The following DGKB variants were observed in gnomAD, a reference collection of about 807,000 sequenced individuals.
DGKB encodes 90 kDa diacylglycerol kinase.
A neutral mutation model predicts 114.3 loss-of-function variants in DGKB; 67 were observed. The ratio of observed to expected loss-of-function variants is 0.59; its 90% CI spans 0.48 to 0.72. The LOEUF is 0.72. Ranked by LOEUF, DGKB falls within the 30% of genes least tolerant of loss-of-function variation. The probability of loss-of-function intolerance (pLI) is 0.00; values close to 1 mark genes in which losing one functional copy is unlikely to be tolerated. For synonymous variants in DGKB, 398 were observed against 323.1 expected (o/e 1.23, Z -2.49); for missense variants, 907 against 975.2 (o/e 0.93, Z 0.93).
At chr7:14,713,344 G>A (rs1827669288) in intron 6 of DGKB, among the ~76,000 whole-genome samples, 1 of 151,956 alleles carries the variant, frequency 6.6e-6, no homozygotes, top group South Asian at 2.1e-4. Flanking sequence ...TTTAGAAAAG[G>A]CACTTAAGCT....
At chr7:14,929,896 G>A (rs776108789) in intron 1 of DGKB, among the ~76,000 whole-genome samples, 22 of 152,038 alleles carry the variant, frequency 1.4e-4, no homozygotes, top group Non-Finnish European at 3.1e-4. Flanking sequence ...GTTGATTTTT[G>A]TATATGTTGA....
At chr7:14,550,670 C>G (rs1015727307) in intron 20 of DGKB, among the ~76,000 whole-genome samples, 2 of 152,120 alleles carry the variant, frequency 1.3e-5, no homozygotes, top group African/African-American at 4.8e-5. Context: ...TCATCCATAA[C>G]TTGTCAATTT....
chr7:14,359,563 C>A (rs1382257814), intron 21 of DGKB, among the ~76,000 whole-genome samples: 1 of 152,032 alleles, frequency 6.6e-6, no homozygotes, highest in Non-Finnish European at 1.5e-5. Flanking sequence ...TTGCAATCTA[C>A]CCATCTGACA....
At chr7:14,459,298 G>C (rs897019909) in intron 21 of DGKB, among the ~76,000 whole-genome samples, 1 of 152,044 alleles carries the variant, frequency 6.6e-6, no homozygotes, top group African/African-American at 2.4e-5. Context: ...AAACCTTCCT[G>C]CTTGCTGGCT....
At chr7:14,813,973 A>G (rs1017702090) in intron 2 of DGKB, among the ~76,000 whole-genome samples, 2 of 152,124 alleles carry the variant, frequency 1.3e-5, no homozygotes, top group African/African-American at 4.8e-5. Context: ...CATTCTATTT[A>G]TATTCAATTT....
intron 23 of DGKB, among the ~76,000 whole-genome samples, chr7:14,218,447 C>T (rs1789363239): frequency 6.6e-6 from 1 of 152,040 alleles, no homozygotes; most frequent in East Asian, 1.9e-4. Flanking sequence ...CTAGTGAAAA[C>T]CACAATGATA....
In DGKB at chr7:14,410,211, T is replaced by C. The variant is rs1442763549; in HGVS notation, c.1836-64820A>G. ...TTTAATTACACTAAATATATATATA[T>C]ACACATATATATACATATACATGCA... is the stretch of plus-strand genomic sequence containing the variant. On this transcript the variant is annotated intron_variant, in intron 21 of 25. Coordinates refer to ENST00000402815, the MANE Select transcript of DGKB (RefSeq NM_001350709.2). Among the ~76,000 whole-genome samples, 5 of 150,608 alleles carry C rather than the reference T, an allele frequency of 3.3e-5. No individual in the cohort carries two copies. The East Asian group carries it at 5.8e-4, about 18-fold the overall frequency.
At chr7:14,753,855 G>C (rs2128440124) in intron 4 of DGKB, 73 bp downstream of exon 4, 1 of 943,054 alleles carries the variant, frequency 1.1e-6, no homozygotes, top group East Asian at 2.6e-5. Flanking sequence ...CAGTGATATG[G>C]ATGAGAAATT....
At chr7:14,466,610 A>C (rs1416404262) in intron 21 of DGKB, among the ~76,000 whole-genome samples, 1 of 151,098 alleles carries the variant, frequency 6.6e-6, no homozygotes, top group Non-Finnish European at 1.5e-5. Context: ...GTGTTCCATA[A>C]ATACATTCAA....
chr7:14,151,149 G>T (rs1325247553), intron 25 of DGKB, among the ~76,000 whole-genome samples: 1 of 151,994 alleles, frequency 6.6e-6, no homozygotes, highest in East Asian at 1.9e-4. Flanking sequence ...GATAACCTTA[G>T]ATTCAAACAG....
chr7:14,665,455 A>G, intron 13 of DGKB, among the ~76,000 whole-genome samples: 1 of 151,982 alleles, frequency 6.6e-6, no homozygotes, highest in East Asian at 1.9e-4. Flanking sequence ...AATCTGTACA[A>G]CAAGCCCCCG....
intron 16 of DGKB, among the ~76,000 whole-genome samples, chr7:14,612,633 T>A (rs1805769923): frequency 6.6e-6 from 1 of 152,070 alleles, no homozygotes; most frequent in Non-Finnish European, 1.5e-5. Flanking sequence ...TTGTTATGAG[T>A]GCTTTCATCT....
chr7:14,851,404 G>A (rs1849330273), intron 1 of DGKB, among the ~76,000 whole-genome samples: 1 of 152,070 alleles, frequency 6.6e-6, no homozygotes. Context: ...TTTCACTTAT[G>A]ATTTTAAAAT....
intron 13 of DGKB, among the ~76,000 whole-genome samples, chr7:14,647,703 G>A (rs370218281): frequency 9.8e-5 from 15 of 152,292 alleles, no homozygotes; most frequent in East Asian, 7.7e-4. Flanking sequence ...CGCAGAAGAC[G>A]GGTGATTTCT....
At chr7:14,583,914 G>C (rs1045007005) in intron 17 of DGKB, among the ~76,000 whole-genome samples, 6 of 152,162 alleles carry the variant, frequency 3.9e-5, no homozygotes, top group African/African-American at 1.4e-4. Flanking sequence ...ATTTTGGTAT[G>C]TTATGTGTCT....
intron 2 of DGKB, among the ~76,000 whole-genome samples, chr7:14,840,595 A>G (rs1490039091): frequency 6.6e-6 from 1 of 152,142 alleles, no homozygotes; most frequent in Non-Finnish European, 1.5e-5. Flanking sequence ...ACACACTAAA[A>G]GAGTTGTGCG....
At chr7:14,170,458 G>C (rs1397109415) in intron 25 of DGKB, among the ~76,000 whole-genome samples, 1 of 152,074 alleles carries the variant, frequency 6.6e-6, no homozygotes, top group African/African-American at 2.4e-5. Context: ...TGGTAAGCAA[G>C]GTAAATTTTA....
intron 21 of DGKB, among the ~76,000 whole-genome samples, chr7:14,413,319 T>A (rs9639191): frequency 0.75 from 114,243 of 152,062 alleles, 43,530 homozygotes; most frequent in Middle Eastern, 0.83. Context: ...CATAACAAAA[T>A]GGATAGCATT....
chr7:14,149,842 G>C (rs528803835), intron 25 of DGKB, among the ~76,000 whole-genome samples: 9 of 152,208 alleles, frequency 5.9e-5, no homozygotes, highest in African/African-American at 2.2e-4. Context: ...TAATATAATA[G>C]AATCAAATAT....
Sources: gnomAD v4.1 joint callset for allele counts (sites outside exome capture counted in the v4.1 genomes callset) on GRCh38, gnomAD v4.1.1 for gene constraint, MANE v1.5 for transcripts, NCBI Gene and HGNC (gene_info 2026-07-23, HGNC 2026-07-21) for gene names.